The following COL4A5 variants were observed in gnomAD, a reference collection of about 807,000 sequenced individuals.
The protein encoded by COL4A5 is collagen alpha-5(IV) chain.
In COL4A5, 26 loss-of-function variants were observed where a neutral mutation model predicts 130.2. The ratio of observed to expected loss-of-function variants is 0.20; its 90% CI spans 0.15 to 0.28. The LOEUF (loss-of-function observed/expected upper bound fraction) is 0.28. COL4A5 is among the 10% of genes least tolerant of loss of function. The pLI is 1.00. For missense variants in COL4A5, 1,131 were observed against 1,344.3 expected, an observed-to-expected ratio of 0.84 and a Z score of 2.48; for synonymous variants, 496 against 439.6, an observed-to-expected ratio of 1.13 and a Z score of -1.60.
chrX:108,521,447 G>A (rs1054982390), intron 1 of COL4A5, among the ~76,000 whole-genome samples: 13 of 110,522 alleles, frequency 1.2e-4, no homozygotes, highest in African/African-American at 4.3e-4. Context: ...GTACAATAAA[G>A]ATATTAAAAA....
Position 108,630,247 on chromosome X carries a change from T to C in COL4A5, c.3246+3898T>C, listed in dbSNP as rs187354267. Among the ~76,000 whole-genome samples, 401 of 112,070 alleles carry C rather than the reference T, an allele frequency of 3.6e-3. 2 individuals are homozygous for C. The highest frequency in any genetic ancestry group is 6.2e-3 in the Non-Finnish European group (329 of 53,139). On this transcript the variant is annotated intron_variant, in intron 36 of 52. Transcript: ENST00000328300. The stretch of plus-strand genomic sequence containing the variant: ...GGAATCACCACACTGTCTTCCACAA[T>C]GGTTGAACTAGTTTACACTCCCACC...
rs2066544292 is a variant in COL4A5, at chrX:108,597,599, A to G, written c.1779+31A>G. The G allele has an allele frequency of 2.6e-6, 3 of 1,155,808 alleles. No individual in the cohort carries two copies. In the African/African-American group the frequency reaches 5.4e-5, roughly 21 times the overall value. On this transcript the variant is annotated intron_variant, in intron 24 of 52. Coordinates refer to ENST00000328300, the MANE Select transcript of COL4A5 (RefSeq NM_033380.3). ...TTGGTTTGATATTTTTGGTTTTGTG[A>G]TGTTAAATTTTCACTTAGAAATGTT...
chrX:108,565,006 A>G (rs527632631), intron 4 of COL4A5, among the ~76,000 whole-genome samples: 7 of 111,705 alleles, frequency 6.3e-5, no homozygotes, highest in African/African-American at 2.3e-4. Flanking sequence ...AATTGATATC[A>G]ATATACTATT....
intron 1 of COL4A5, among the ~76,000 whole-genome samples, chrX:108,480,429 C>A (rs755552610): frequency 9.8e-5 from 11 of 112,761 alleles, no homozygotes; most frequent in Admixed American, 1.9e-4. Context: ...GCTCACTGAT[C>A]CAATCAGCAT....
chrX:108,644,079 G>C (rs1013759730), intron 36 of COL4A5, among the ~76,000 whole-genome samples: 3 of 111,988 alleles, frequency 2.7e-5, no homozygotes, highest in Admixed American at 9.5e-5. Flanking sequence ...GCGAGCAAGA[G>C]TAGCTATTGT....
intron 9 of COL4A5, among the ~76,000 whole-genome samples, chrX:108,575,412 A>C (rs981616115): frequency 7.1e-5 from 8 of 112,270 alleles, no homozygotes; most frequent in Non-Finnish European, 1.3e-4. Context: ...TTAAACCACA[A>C]GTTTTCTTAT....
chrX:108,597,191 G>A (rs1208167611), intron 23 of COL4A5, 123 bp downstream of exon 23: 22 of 777,460 alleles, frequency 2.8e-5, no homozygotes, highest in Non-Finnish European at 4.0e-5. Context: ...GTTGTACTTT[G>A]TTTGATTCCT....
intron 44 of COL4A5, among the ~76,000 whole-genome samples, chrX:108,679,086 C>G (rs1378057468): frequency 8.9e-6 from 1 of 111,963 alleles, no homozygotes; most frequent in African/African-American, 3.2e-5. Context: ...TCAGGCTAAC[C>G]GATAAGGAGG....
chrX:108,559,209 G>GACACCTAGTCCCACATTTAA, intron 3 of COL4A5, 56 bp downstream of exon 3: 2 of 900,297 alleles, frequency 2.2e-6, no homozygotes, highest in Non-Finnish European at 3.3e-6. Context: ...TCTTAAATGT[G>GACACCTAGTCCCACATTTAA]GGACTAGGTG....
At chrX:108,580,067 G>T (rs1205544237) in intron 13 of COL4A5, among the ~76,000 whole-genome samples, 2 of 111,084 alleles carry the variant, frequency 1.8e-5, no homozygotes, top group Non-Finnish European at 3.8e-5. Context: ...TTTTTTTAGG[G>T]GGAGATTTAT....
chrX:108,597,351 T>C, intron 23 of COL4A5, 26 bp from the exon 24 acceptor site: 1 of 1,185,764 alleles, frequency 8.4e-7, no homozygotes, highest in Non-Finnish European at 1.1e-6. Context: ...TCCACTCTTT[T>C]TTCTTTTTTT....
intron 49 of COL4A5, among the ~76,000 whole-genome samples, chrX:108,691,047 A>C (rs1213047232): frequency 9.0e-6 from 1 of 111,321 alleles, no homozygotes; most frequent in Admixed American, 9.6e-5. Context: ...ATCTTAAGTG[A>C]AATAAGCCAG....
In COL4A5 at chrX:108,473,633, A is replaced by ATATATATATATATATATATTTT; in HGVS notation, c.81+33428_81+33429insATATATATATATATATATTTTT. Among the ~76,000 whole-genome samples the ATATATATATATATATATATTTT allele has an allele frequency of 7.2e-3, 250 of 34,510 alleles. 9 individuals are homozygous for ATATATATATATATATATATTTT. Among genetic ancestry groups the ATATATATATATATATATATTTT allele is most frequent in the Non-Finnish European group, 0.013 (218 of 16,511 alleles). The allele number at this position is 34,510 out of a possible 115,157, so 30.0% of individuals were successfully genotyped here. On this transcript the variant is annotated intron_variant, in intron 1 of 52. Coordinates refer to ENST00000328300, the MANE Select transcript of COL4A5 (RefSeq NM_033380.3). Reference sequence around the variant, plus strand: ...TATATGTATATATATATATATATATATTTTTTTTTTTTTGAGATGAAGTCT... The same window carrying ATATATATATATATATATATTTT: ...TATATGTATATATATATATATATATATATATATATATATATATATTTTTTTTTTTTTTTTTGAGATGAAGTCT...
intron 24 of COL4A5, 49 bp downstream of exon 24, chrX:108,597,617 G>A (rs2066544607): frequency 9.1e-7 from 1 of 1,095,098 alleles, no homozygotes. Context: ...TTTTCACTTA[G>A]AAATGTTTTC....
At chrX:108,623,826 G>T (rs929214094) in intron 33 of COL4A5, among the ~76,000 whole-genome samples, 4 of 111,778 alleles carry the variant, frequency 3.6e-5, no homozygotes, top group African/African-American at 1.3e-4. Context: ...GACTTTCTTG[G>T]CTTACCCCTT....
chrX:108,593,544 A>G (rs753456744), intron 21 of COL4A5, among the ~76,000 whole-genome samples: 74 of 111,121 alleles, frequency 6.7e-4, no homozygotes, highest in African/African-American at 2.3e-3. Context: ...TAGACACTTT[A>G]TTGTTTTACC....
At chrX:108,512,599 C>T (rs910836941) in intron 1 of COL4A5, among the ~76,000 whole-genome samples, 1 of 109,810 alleles carries the variant, frequency 9.1e-6, no homozygotes, top group Non-Finnish European at 1.9e-5. Flanking sequence ...CAGTAGGTTC[C>T]GTGATGCCCC....
chrX:108,469,235 C>T (rs2064740436), intron 1 of COL4A5, among the ~76,000 whole-genome samples: 1 of 98,181 alleles, frequency 1.0e-5, no homozygotes, highest in Non-Finnish European at 2.0e-5. Context: ...AACTCCTGAG[C>T]TCAAAGGATC....
At chrX:108,577,372 C>CAAAAAAA (rs746311921) in intron 10 of COL4A5, among the ~76,000 whole-genome samples, 5 of 29,893 alleles carry the variant, frequency 1.7e-4, no homozygotes, top group East Asian at 9.0e-4. Context: ...AACTCCTTCT[C>CAAAAAAA]AAAAAAAAAA....
Sources: gnomAD v4.1 joint callset for allele counts (sites outside exome capture counted in the v4.1 genomes callset) on GRCh38, gnomAD v4.1.1 for gene constraint, MANE v1.5 for transcripts, NCBI Gene and HGNC (gene_info 2026-07-23, HGNC 2026-07-21) for gene names.